Variants in TAOK3 observed in about 807,000 individuals in gnomAD.
TAOK3 encodes the protein TAO kinase 3.
Under a neutral mutation model 120.4 loss-of-function variants are expected in TAOK3, and 40 were observed. That is an observed-to-expected ratio of 0.33 (90% CI 0.26 to 0.43). The LOEUF is 0.43. TAOK3 is among the 20% of genes least tolerant of loss of function. The pLI is 1.00. For synonymous variants in TAOK3, 355 were observed against 387.5 expected, an observed-to-expected ratio of 0.92 and a Z score of 0.99; for missense variants, 821 against 1,112.1, an observed-to-expected ratio of 0.74 and a Z score of 3.72.
At chr12:118,226,774 T>C (rs1002805600) in intron 9 of TAOK3, among the ~76,000 whole-genome samples, 1 of 152,182 alleles carries the variant, frequency 6.6e-6, no homozygotes, top group African/African-American at 2.4e-5. Flanking sequence ...CAAAGGCTGA[T>C]ACAGAGAGCA....
chr12:118,297,979 T>G (rs1566081993), intron 1 of TAOK3, among the ~76,000 whole-genome samples: 1 of 152,184 alleles, frequency 6.6e-6, no homozygotes, highest in Non-Finnish European at 1.5e-5. Context: ...GGGCTCTCAC[T>G]GTGTTGCCCA....
intron 16 of TAOK3, among the ~76,000 whole-genome samples, chr12:118,173,177 G>C (rs1371738259): frequency 2.0e-5 from 3 of 152,168 alleles, no homozygotes; most frequent in Non-Finnish European, 2.9e-5. Context: ...GGAAAGGGAA[G>C]AATACTCTCA....
In TAOK3 at chr12:118,161,081, C is replaced by G. The variant is rs1301164621; in HGVS notation, c.2139+707G>C. Among the ~76,000 whole-genome samples the G allele has an allele frequency of 6.6e-6, 1 of 152,232 alleles. No homozygotes were observed. Among genetic ancestry groups the G allele is most frequent in the Non-Finnish European group, 1.5e-5 (1 of 68,046 alleles). ...GTCATGTGTGCACTTCACGAACACT[C>G]TGAGGACTTATGGTGATAGAAATCA... is the stretch of plus-strand genomic sequence containing the variant. On this transcript the variant is annotated intron_variant, in intron 18 of 20. Transcript: ENST00000392533. This position sits in a 1 kb window ranked among gnomAD's most constrained non-coding sequence, Gnocchi z 4.5.
At chr12:118,250,823 A>T (rs999446478) in intron 3 of TAOK3, among the ~76,000 whole-genome samples, 8 of 152,264 alleles carry the variant, frequency 5.3e-5, no homozygotes. Context: ...TAGGGAGGTC[A>T]GGAAAGCCTT....
intron 1 of TAOK3, among the ~76,000 whole-genome samples, chr12:118,356,619 A>C (rs1376488137): frequency 3.3e-5 from 5 of 152,074 alleles, no homozygotes; most frequent in Non-Finnish European, 7.4e-5. Flanking sequence ...TCACATTAAA[A>C]AAAAATGATA....
At chr12:118,307,231 C>A (rs370453279) in intron 1 of TAOK3, among the ~76,000 whole-genome samples, 15 of 151,830 alleles carry the variant, frequency 9.9e-5, no homozygotes, top group African/African-American at 1.9e-4. Flanking sequence ...TTCCCCCCCC[C>A]ATCTCTGGAG....
intron 2 of TAOK3, among the ~76,000 whole-genome samples, chr12:118,264,064 C>G (rs1366038279): frequency 1.3e-5 from 2 of 152,206 alleles, no homozygotes; most frequent in Non-Finnish European, 2.9e-5. Context: ...GAAACTCTGT[C>G]TCAAAACTCA....
At chr12:118,231,855 A>G (rs2039798022) in intron 9 of TAOK3, among the ~76,000 whole-genome samples, 1 of 151,716 alleles carries the variant, frequency 6.6e-6, no homozygotes, top group South Asian at 2.1e-4. Flanking sequence ...CCCAGAAGAG[A>G]GAGGCTGTAG....
intron 1 of TAOK3, among the ~76,000 whole-genome samples, chr12:118,318,323 A>G (rs1790042766): frequency 6.6e-6 from 1 of 151,984 alleles, no homozygotes; most frequent in African/African-American, 2.4e-5. Flanking sequence ...ACGCCCAGCT[A>G]ATTTTTGTAT....
At chr12:118,222,618 T>C (rs1226968573) in intron 9 of TAOK3, among the ~76,000 whole-genome samples, 4 of 152,188 alleles carry the variant, frequency 2.6e-5, no homozygotes, top group Non-Finnish European at 5.9e-5. Context: ...ATAATGTCTT[T>C]CTCAGTAACT....
At chr12:118,303,007 C>G (rs759026378) in intron 1 of TAOK3, among the ~76,000 whole-genome samples, 26 of 152,268 alleles carry the variant, frequency 1.7e-4, no homozygotes, top group Non-Finnish European at 3.5e-4. Context: ...AACACCCACC[C>G]AAACAATCAA....
intron 1 of TAOK3, among the ~76,000 whole-genome samples, chr12:118,329,839 T>C (rs1311774806): frequency 1.3e-5 from 2 of 152,192 alleles, no homozygotes; most frequent in African/African-American, 4.8e-5. Flanking sequence ...CATAAAGATT[T>C]GTATATAGCC....
chr12:118,289,830 T>C (rs918464985), intron 1 of TAOK3, among the ~76,000 whole-genome samples: 3 of 152,010 alleles, frequency 2.0e-5, no homozygotes, highest in Non-Finnish European at 2.9e-5. Context: ...CCCCCATCTC[T>C]ACTAAAAGTA....
intron 15 of TAOK3, among the ~76,000 whole-genome samples, chr12:118,178,232 G>A (rs997102434): frequency 1.1e-4 from 16 of 152,174 alleles, no homozygotes; most frequent in East Asian, 1.9e-4. Context: ...GACTACAGGC[G>A]TGAGCCACCA....
At chr12:118,153,545 C>T (rs1034424673) in intron 19 of TAOK3, among the ~76,000 whole-genome samples, 3 of 152,252 alleles carry the variant, frequency 2.0e-5, no homozygotes, top group South Asian at 2.1e-4. Flanking sequence ...CAAGTAGAAG[C>T]GCCAACTTCT....
chr12:118,343,301 C>A (rs1260177060), intron 1 of TAOK3, among the ~76,000 whole-genome samples: 2 of 151,710 alleles, frequency 1.3e-5, no homozygotes, highest in African/African-American at 2.4e-5. Context: ...ATGGCGGGTG[C>A]CTGTAATCCT....
chr12:118,261,334 G>C (rs1206581703), intron 2 of TAOK3, among the ~76,000 whole-genome samples: 1 of 152,156 alleles, frequency 6.6e-6, no homozygotes, highest in African/African-American at 2.4e-5. Context: ...GAAGGTCCAT[G>C]AACCTCAAGC....
chr12:118,163,611 A>G (rs1336891533), intron 17 of TAOK3, among the ~76,000 whole-genome samples: 2 of 143,250 alleles, frequency 1.4e-5, no homozygotes, highest in Non-Finnish European at 1.5e-5. Context: ...CGTCCAAATT[A>G]AAAAAAAAAA....
chr12:118,250,714 A>T (rs2040713774), intron 3 of TAOK3, among the ~76,000 whole-genome samples: 1 of 152,178 alleles, frequency 6.6e-6, no homozygotes, highest in Non-Finnish European at 1.5e-5. Context: ...CAATAACAAA[A>T]ATAAAACAAT....
Sources: allele counts gnomAD v4.1 joint callset (sites outside exome capture counted in the v4.1 genomes callset), GRCh38; gene constraint gnomAD v4.1.1; non-coding constraint Gnocchi (gnomAD v3.1); transcripts MANE v1.5; gene names NCBI Gene and HGNC (gene_info 2026-07-23, HGNC 2026-07-21).